Variants in EXOC6B observed in about 807,000 individuals in gnomAD.
EXOC6B encodes SEC15 homolog B.
In EXOC6B, 54 loss-of-function variants were observed where a neutral mutation model predicts 113.5. That is an observed-to-expected ratio of 0.48 (90% CI 0.38 to 0.60). EXOC6B has a LOEUF of 0.60. Among genes scored for constraint, EXOC6B ranks in the 20% least tolerant of loss-of-function variants. The pLI is 0.00. For synonymous variants in EXOC6B, 357 were observed against 339.0 expected (o/e 1.05, Z -0.58); for missense variants, 797 against 977.5 (o/e 0.82, Z 2.46).
At chr2:72,561,293 A>C (rs1208506696) in intron 7 of EXOC6B, among the ~76,000 whole-genome samples, 5 of 152,110 alleles carry the variant, frequency 3.3e-5, no homozygotes, top group Non-Finnish European at 7.4e-5. Context: ...AAAACTACAC[A>C]TGCATATGAA....
At chr2:72,679,655 A>C (rs1206121727) in intron 6 of EXOC6B, among the ~76,000 whole-genome samples, 1 of 152,228 alleles carries the variant, frequency 6.6e-6, no homozygotes, top group African/African-American at 2.4e-5. Context: ...GTAACAGAAA[A>C]AGCAAAGTGT....
At chr2:72,767,387 C>T (rs1423196869) in intron 1 of EXOC6B, among the ~76,000 whole-genome samples, 6 of 151,898 alleles carry the variant, frequency 4.0e-5, no homozygotes, top group African/African-American at 7.3e-5. Flanking sequence ...ACCAAGATCG[C>T]GCCATTTCAC....
At chr2:72,404,095 T>C (rs1693548995) in intron 18 of EXOC6B, among the ~76,000 whole-genome samples, 1 of 152,198 alleles carries the variant, frequency 6.6e-6, no homozygotes, top group African/African-American at 2.4e-5. Context: ...CCTATGCCCC[T>C]GGAGCCTTGC....
Position 72,513,341 on chromosome 2 carries a change from T to C in EXOC6B, c.1047-89A>G, listed in dbSNP as rs1486294167. 2.7e-6 allele frequency: 4 copies of C among 1,484,868 alleles called. No homozygotes were observed. The Admixed American group carries it at 6.5e-5, about 24-fold the overall frequency. The allele number at this position is 1,484,868 out of a possible 1,614,324, so 92.0% of individuals were successfully genotyped here. A position where few individuals can be genotyped will look rare whatever the true frequency, so the allele number is the denominator to read the frequency against. On this transcript the variant is annotated intron_variant, in intron 10 of 21. Transcript: ENST00000272427. ...GTTTGACAAGCATTAAGAGATACCA[T>C]CAAATGCAAAGTTAGTGGTCATTTT... is the stretch of plus-strand genomic sequence containing the variant.
chr2:72,341,290 T>G (rs1348265225), intron 19 of EXOC6B, among the ~76,000 whole-genome samples: 2 of 152,164 alleles, frequency 1.3e-5, no homozygotes, highest in African/African-American at 4.8e-5. Context: ...TTCATATATG[T>G]GTTCTTACCA....
intron 21 of EXOC6B, among the ~76,000 whole-genome samples, chr2:72,180,584 C>G (rs1023277837): frequency 3.3e-5 from 5 of 152,178 alleles, no homozygotes; most frequent in African/African-American, 1.2e-4. Flanking sequence ...CCTCTGACTT[C>G]ACTGCTCCCT....
rs559085187 is a variant in EXOC6B, at chr2:72,396,180, T to C, written c.1981-16310A>G. Among the ~76,000 whole-genome samples, 51 of 152,258 alleles carry C rather than the reference T, an allele frequency of 3.3e-4. No homozygotes were observed. In the South Asian group the frequency reaches 9.1e-3, roughly 27 times the overall value. On this transcript the variant is annotated intron_variant, in intron 18 of 21. Coordinates refer to ENST00000272427, the MANE Select transcript of EXOC6B (RefSeq NM_015189.3). ...AGGATACTCTTAAATAATTTATATCTTTTTGAAAAATGCCATGTATTCTCC... is the reference window on the plus strand; with the variant it reads ...AGGATACTCTTAAATAATTTATATCCTTTTGAAAAATGCCATGTATTCTCC...
At chr2:72,357,559 T>C (rs1339092282) in intron 19 of EXOC6B, among the ~76,000 whole-genome samples, 1 of 151,960 alleles carries the variant, frequency 6.6e-6, no homozygotes, top group African/African-American at 2.4e-5. Flanking sequence ...GGCGTTGGTG[T>C]TGCACACTTG....
intron 5 of EXOC6B, among the ~76,000 whole-genome samples, chr2:72,719,896 CT>C (rs1399618091): frequency 1.3e-5 from 2 of 152,084 alleles, no homozygotes; most frequent in Non-Finnish European, 2.9e-5. Context: ...TATTTTTTCT[CT>C]TTTCTTAACT....
intron 6 of EXOC6B, among the ~76,000 whole-genome samples, chr2:72,656,207 A>C (rs1012385357): frequency 2.6e-5 from 4 of 152,166 alleles, no homozygotes; most frequent in African/African-American, 9.6e-5. Flanking sequence ...AGGAGAGAAA[A>C]ACTAATAGAA....
Position 72,413,173 on chromosome 2 carries a change from G to A in EXOC6B, c.1981-33303C>T, listed in dbSNP as rs368799302. 5.4e-3 allele frequency among the ~76,000 whole-genome samples: 822 copies of A among 151,724 alleles called. 8 individuals are homozygous for A. The highest frequency in any genetic ancestry group is 0.019 in the African/African-American group (786 of 41,440). ...AGACGGGGTTTCACCATGTTAGCCA[G>A]GATGGTCTTGATCTCCTGACCTCGT... is the stretch of plus-strand genomic sequence containing the variant. On this transcript the variant is annotated intron_variant, in intron 18 of 21. Transcript: ENST00000272427.
intron 1 of EXOC6B, among the ~76,000 whole-genome samples, chr2:72,752,309 A>G (rs1278117796): frequency 6.6e-6 from 1 of 152,088 alleles, no homozygotes; most frequent in Admixed American, 6.6e-5. Context: ...TGAAATAGAT[A>G]GGTCATCTCA....
chr2:72,221,166 T>C (rs1330730135), intron 20 of EXOC6B, among the ~76,000 whole-genome samples: 2 of 152,210 alleles, frequency 1.3e-5, no homozygotes, highest in Non-Finnish European at 2.9e-5. Context: ...TTCTGAGACT[T>C]ACTTTTCCAA....
chr2:72,623,074 G>T (rs923784501), intron 6 of EXOC6B, among the ~76,000 whole-genome samples: 1 of 152,056 alleles, frequency 6.6e-6, no homozygotes, highest in Admixed American at 6.6e-5. Flanking sequence ...GGTCAAATGG[G>T]TATGTTCACT....
chr2:72,266,574 G>T (rs2104606872), intron 20 of EXOC6B, among the ~76,000 whole-genome samples: 1 of 152,068 alleles, frequency 6.6e-6, no homozygotes, highest in East Asian at 1.9e-4. Context: ...TAGATATGCG[G>T]TGTTATTTCT....
At chr2:72,773,832 A>C (rs1380766577) in intron 1 of EXOC6B, among the ~76,000 whole-genome samples, 1 of 152,198 alleles carries the variant, frequency 6.6e-6, no homozygotes, top group African/African-American at 2.4e-5. Context: ...ATATGAAGAA[A>C]ACTCAGCCTC....
rs552148585 is a variant in EXOC6B at position 72,266,900 on chromosome 2, C to A, written c.2196+68047G>T. On this transcript the variant is annotated intron_variant, in intron 20 of 21. Coordinates refer to ENST00000272427, the MANE Select transcript of EXOC6B (RefSeq NM_015189.3). ...TTCCTACCCATGAGCATAGAATGTTCTTCCATTTGTTTGTCTCCTCTTTTA... is the reference window on the plus strand; with the variant it reads ...TTCCTACCCATGAGCATAGAATGTTATTCCATTTGTTTGTCTCCTCTTTTA... 2.9e-3 allele frequency among the ~76,000 whole-genome samples: 440 copies of A among 152,190 alleles called. 4 individuals carry two copies. The highest frequency in any genetic ancestry group is 0.01 in the African/African-American group (419 of 41,524).
chr2:72,352,820 T>C (rs1689741341), intron 19 of EXOC6B, among the ~76,000 whole-genome samples: 1 of 152,028 alleles, frequency 6.6e-6, no homozygotes, highest in East Asian at 1.9e-4. Flanking sequence ...TAGACCTGTG[T>C]AGAAATCTGT....
intron 20 of EXOC6B, among the ~76,000 whole-genome samples, chr2:72,204,277 A>G (rs1303580413): frequency 1.3e-5 from 2 of 152,168 alleles, no homozygotes; most frequent in Non-Finnish European, 2.9e-5. Flanking sequence ...TGAATGTATC[A>G]GAGCAAACAC....
Sources: gnomAD v4.1 joint callset for allele counts (sites outside exome capture counted in the v4.1 genomes callset) on GRCh38, gnomAD v4.1.1 for gene constraint, MANE v1.5 for transcripts, NCBI Gene and HGNC (gene_info 2026-07-23, HGNC 2026-07-21) for gene names.